The following SYNDIG1 variants were observed in gnomAD, a reference collection of about 807,000 sequenced individuals.
The protein encoded by SYNDIG1 is synapse differentiation-inducing gene protein 1.
A neutral mutation model predicts 19.4 loss-of-function variants in SYNDIG1; 9 were observed. That is an observed-to-expected ratio of 0.46 (90% CI 0.28 to 0.81). The LOEUF (loss-of-function observed/expected upper bound fraction) is 0.81, where lower values mean the gene tolerates loss of function less well. Among genes scored for constraint, SYNDIG1 ranks in the 30% least tolerant of loss-of-function variants. SYNDIG1 has a pLI of 0.12. For synonymous variants in SYNDIG1, 141 were observed against 145.9 expected, an observed-to-expected ratio of 0.97 and a Z score of 0.24; for missense variants, 311 against 343.3, an observed-to-expected ratio of 0.91 and a Z score of 0.74.
At chr20:24,500,515 T>C (rs868694447) in intron 1 of SYNDIG1, among the ~76,000 whole-genome samples, 2 of 107,618 alleles carry the variant, frequency 1.9e-5, no homozygotes, top group Non-Finnish European at 3.8e-5. Flanking sequence ...TCTTTCTTTC[T>C]TTCTTTCTTT....
intron 3 of SYNDIG1, among the ~76,000 whole-genome samples, chr20:24,629,027 T>C (rs1021152103): frequency 5.9e-5 from 9 of 152,252 alleles, no homozygotes; most frequent in Non-Finnish European, 1.2e-4. Flanking sequence ...AGCTACTCTG[T>C]ATCTGTCCAC....
intron 3 of SYNDIG1, among the ~76,000 whole-genome samples, chr20:24,648,851 T>C (rs896423541): frequency 3.3e-5 from 5 of 152,364 alleles, no homozygotes; most frequent in African/African-American, 1.2e-4. Context: ...CAGAGGACAC[T>C]ATTGCTATAT....
chr20:24,519,595 C>T (rs1468547112), intron 1 of SYNDIG1, among the ~76,000 whole-genome samples: 1 of 152,130 alleles, frequency 6.6e-6, no homozygotes, highest in Non-Finnish European at 1.5e-5. Context: ...TTCTTTTTTA[C>T]CCTCTTCCAC....
chr20:24,581,867 A>C (rs1330975888), intron 2 of SYNDIG1, among the ~76,000 whole-genome samples: 62 of 98,058 alleles, frequency 6.3e-4, no homozygotes, highest in South Asian at 1.4e-3. Flanking sequence ...GCAGGTCCTC[A>C]CCCCTGCAAG....
intron 1 of SYNDIG1, among the ~76,000 whole-genome samples, chr20:24,501,293 T>C (rs2056448190): frequency 6.6e-6 from 1 of 152,246 alleles, no homozygotes; most frequent in Admixed American, 6.5e-5. Flanking sequence ...GGGACCTAAA[T>C]GTCGTACCTG....
chr20:24,475,113 C>A (rs2055580352), intron 1 of SYNDIG1, among the ~76,000 whole-genome samples: 1 of 152,122 alleles, frequency 6.6e-6, no homozygotes, highest in South Asian at 2.1e-4. Flanking sequence ...TAACTTCCTC[C>A]TATGATCTTG....
rs568505059 is a variant in SYNDIG1 at position 24,493,805 on chromosome 20, A to C, written c.-79+24052A>C. On this transcript the variant is annotated intron_variant, in intron 1 of 3. Transcript: ENST00000376862. ...GACCATTGGGCAGCCGCAAGCTCAG[A>C]GGGGAGGCATGGCCGGGTGCTGGAG... Among the ~76,000 whole-genome samples, 440 of 152,266 alleles carry C rather than the reference A, an allele frequency of 2.9e-3. 3 individuals carry two copies. The highest frequency in any genetic ancestry group is 0.01 in the African/African-American group (428 of 41,564).
chr20:24,508,288 G>C (rs553052683), intron 1 of SYNDIG1, among the ~76,000 whole-genome samples: 146 of 135,954 alleles, frequency 1.1e-3, no homozygotes, highest in South Asian at 5.9e-3. Flanking sequence ...GAGTGCAGTG[G>C]CACAATCTCG....
intron 3 of SYNDIG1, among the ~76,000 whole-genome samples, chr20:24,612,618 C>G (rs568469718): frequency 6.6e-6 from 1 of 152,360 alleles, no homozygotes; most frequent in African/African-American, 2.4e-5. Flanking sequence ...AAAGGAAAGT[C>G]AACCTTAGAT....
At chr20:24,652,008 A>T (rs182413632) in intron 3 of SYNDIG1, among the ~76,000 whole-genome samples, 38 of 152,362 alleles carry the variant, frequency 2.5e-4, no homozygotes, top group African/African-American at 8.4e-4. Context: ...AAAGTCTCCC[A>T]GCTGGTCTGA....
intron 3 of SYNDIG1, among the ~76,000 whole-genome samples, chr20:24,638,861 G>A (rs2059343775): frequency 6.6e-6 from 1 of 152,214 alleles, no homozygotes; most frequent in Admixed American, 6.5e-5. Flanking sequence ...CAGAGAGTGA[G>A]CACACTGCAC....
In SYNDIG1 at chr20:24,665,619, C is replaced by G; in HGVS notation, c.*115C>G. 2.1e-6 allele frequency: 3 copies of G among 1,438,316 alleles called. No homozygotes were observed. The highest frequency in any genetic ancestry group is 1.3e-5 in the South Asian group (1 of 76,356). 89.1% of individuals were successfully genotyped at this position (1,438,316 alleles called of 1,614,324 possible). ...ATGATTGCCAAATGATGCCACGAAG[C>G]CCTGGGATTTCCTACCCATGGATTT... On this transcript the variant is annotated 3_prime_UTR_variant, in exon 4 of 4. Coordinates refer to ENST00000376862, the MANE Select transcript of SYNDIG1 (RefSeq NM_024893.3).
At chr20:24,475,870 T>A (rs2055608139) in intron 1 of SYNDIG1, among the ~76,000 whole-genome samples, 1 of 152,064 alleles carries the variant, frequency 6.6e-6, no homozygotes, top group Non-Finnish European at 1.5e-5. Flanking sequence ...TATCTTTTTT[T>A]TTTTTTTTGA....
chr20:24,624,255 CAAAA>C (rs201904792), intron 3 of SYNDIG1, among the ~76,000 whole-genome samples: 1 of 94,698 alleles, frequency 1.1e-5, no homozygotes, highest in East Asian at 3.7e-4. Context: ...GACTCCATCT[CAAAA>C]AAAAAAAAAA....
chr20:24,513,267 T>C (rs2056789047), intron 1 of SYNDIG1, among the ~76,000 whole-genome samples: 1 of 152,190 alleles, frequency 6.6e-6, no homozygotes, highest in Admixed American at 6.5e-5. Context: ...GGAAAAAAGC[T>C]GGATGGAGAA....
intron 3 of SYNDIG1, among the ~76,000 whole-genome samples, chr20:24,614,912 A>G (rs977092365): frequency 2.0e-5 from 3 of 152,232 alleles, no homozygotes; most frequent in Non-Finnish European, 4.4e-5. Flanking sequence ...AGGTGCAGGG[A>G]AACATTCTCA....
intron 1 of SYNDIG1, among the ~76,000 whole-genome samples, chr20:24,519,630 T>G (rs1281022969): frequency 6.6e-6 from 1 of 152,228 alleles, no homozygotes; most frequent in Non-Finnish European, 1.5e-5. Context: ...CAACAGCCAA[T>G]CCACATCCCA....
chr20:24,625,570 C>T (rs1365768132), intron 3 of SYNDIG1, among the ~76,000 whole-genome samples: 1 of 151,832 alleles, frequency 6.6e-6, no homozygotes, highest in Non-Finnish European at 1.5e-5. Context: ...TGACTCTTAA[C>T]GAGCATGCTG....
intron 1 of SYNDIG1, among the ~76,000 whole-genome samples, chr20:24,526,354 A>T (rs879206074): frequency 1.3e-5 from 2 of 151,944 alleles, no homozygotes; most frequent in Admixed American, 1.3e-4. Flanking sequence ...TTACTCATGT[A>T]CTTCTCTCCC....
Sources: gnomAD v4.1 joint callset for allele counts (sites outside exome capture counted in the v4.1 genomes callset) on GRCh38, gnomAD v4.1.1 for gene constraint, MANE v1.5 for transcripts, NCBI Gene and HGNC (gene_info 2026-07-23, HGNC 2026-07-21) for gene names.